HECA: variants seen among roughly 807,000 people sequenced by gnomAD.
HECA encodes the protein headcase protein homolog.
Under a neutral mutation model 37.6 loss-of-function variants are expected in HECA, and 13 were observed. The observed-to-expected ratio is 0.35, with a 90% confidence interval of 0.23 to 0.55. The LOEUF (loss-of-function observed/expected upper bound fraction) is 0.55. Among genes scored for constraint, HECA ranks in the 20% least tolerant of loss-of-function variants. HECA has a pLI of 0.90. For synonymous variants in HECA, 307 were observed against 291.5 expected (o/e 1.05, Z -0.54); for missense variants, 527 against 701.9 (o/e 0.75, Z 2.82).
intron 1 of HECA, among the ~76,000 whole-genome samples, chr6:139,164,558 T>A (rs1472485170): frequency 6.6e-6 from 1 of 152,132 alleles, no homozygotes; most frequent in Non-Finnish European, 1.5e-5. Flanking sequence ...GCCTAGAGGA[T>A]GAGGAGAGAA....
intron 1 of HECA, among the ~76,000 whole-genome samples, chr6:139,157,577 C>G (rs1774735326): frequency 6.6e-6 from 1 of 152,216 alleles, no homozygotes; most frequent in Non-Finnish European, 1.5e-5. Flanking sequence ...CTTATGCATG[C>G]CATACTGCTT....
chr6:139,137,470 C>T (rs1562241461), intron 1 of HECA, among the ~76,000 whole-genome samples: 2 of 152,052 alleles, frequency 1.3e-5, no homozygotes, highest in African/African-American at 2.4e-5. Context: ...TGACAGCTTT[C>T]GTTTATTCAT....
chr6:139,157,192 G>T (rs1036967125), intron 1 of HECA, among the ~76,000 whole-genome samples: 1 of 152,198 alleles, frequency 6.6e-6, no homozygotes, highest in Admixed American at 6.5e-5. Flanking sequence ...CATGGCACTG[G>T]TGGGAGTGGA....
intron 1 of HECA, among the ~76,000 whole-genome samples, chr6:139,163,546 G>A (rs1177113318): frequency 2.0e-5 from 3 of 151,994 alleles, no homozygotes; most frequent in Non-Finnish European, 2.9e-5. Context: ...TAGAGATGGG[G>A]TTTCATCATG....
chr6:139,145,455 G>T (rs1222632476), intron 1 of HECA, among the ~76,000 whole-genome samples: 1 of 152,206 alleles, frequency 6.6e-6, no homozygotes, highest in Non-Finnish European at 1.5e-5. Context: ...GAAAAAGGAA[G>T]ATGAAGTGTT....
At chr6:139,168,744 T>G (rs1774930485) in intron 2 of HECA, among the ~76,000 whole-genome samples, 1 of 152,228 alleles carries the variant, frequency 6.6e-6, no homozygotes, top group Admixed American at 6.5e-5. Context: ...CCCCAGGAGC[T>G]TTTTGAGAAA....
chr6:139,156,051 TTA>T (rs1774708168), intron 1 of HECA, among the ~76,000 whole-genome samples: 1 of 151,930 alleles, frequency 6.6e-6, no homozygotes, highest in Non-Finnish European at 1.5e-5. Context: ...TGTTTATATT[TTA>T]TATGTTTATA....
At chr6:139,158,597 G>A (rs1268924452) in intron 1 of HECA, among the ~76,000 whole-genome samples, 1 of 149,642 alleles carries the variant, frequency 6.7e-6, no homozygotes, top group African/African-American at 2.5e-5. Flanking sequence ...CTTGAGCCTG[G>A]CAGGTTGAAG....
chr6:139,165,381 C>A (rs979201940), intron 1 of HECA, among the ~76,000 whole-genome samples: 1 of 152,140 alleles, frequency 6.6e-6, no homozygotes, highest in African/African-American at 2.4e-5. Flanking sequence ...ACATATGTTA[C>A]AATTGATGAA....
intron 1 of HECA, among the ~76,000 whole-genome samples, chr6:139,145,103 A>G (rs1774566805): frequency 6.6e-6 from 1 of 152,214 alleles, no homozygotes; most frequent in South Asian, 2.1e-4. Context: ...ATTTTTGTCA[A>G]CATCTTACCA....
intron 1 of HECA, among the ~76,000 whole-genome samples, chr6:139,143,072 GT>G (rs1163565551): frequency 2.0e-5 from 3 of 152,208 alleles, no homozygotes; most frequent in Non-Finnish European, 4.4e-5. Context: ...AAGATCTGGA[GT>G]TTTTAAAGCT....
intron 1 of HECA, chr6:139,144,534 C>G (rs932678591): frequency 6.6e-6 from 1 of 152,580 alleles, no homozygotes; most frequent in Non-Finnish European, 1.5e-5. Context: ...TGTCAGGTGC[C>G]GTGGTAGGAC....
chr6:139,164,371 G>C (rs570905859), intron 1 of HECA, among the ~76,000 whole-genome samples: 3 of 152,040 alleles, frequency 2.0e-5, no homozygotes, highest in Non-Finnish European at 4.4e-5. Context: ...ATGAACATTG[G>C]GGGTATCATG....
At chr6:139,141,085 C>T (rs1038122338) in intron 1 of HECA, among the ~76,000 whole-genome samples, 5 of 152,072 alleles carry the variant, frequency 3.3e-5, no homozygotes, top group Admixed American at 1.3e-4. Flanking sequence ...CCAGCGCGCC[C>T]GGCCCTCTTT....
At chr6:139,161,763 G>A (rs573783737) in intron 1 of HECA, among the ~76,000 whole-genome samples, 9 of 152,254 alleles carry the variant, frequency 5.9e-5, no homozygotes, top group South Asian at 4.1e-4. Context: ...TTGGTCTTGG[G>A]TTAGTAAAAT....
At position 139,135,246 on chromosome 6, in the gene HECA, G is replaced by A. The variant is rs1179777995; in HGVS notation, c.-151G>A. 3.6e-6 allele frequency: 2 copies of A among 550,608 alleles called. No individual in the cohort carries two copies. Among genetic ancestry groups the A allele is most frequent in the African/African-American group, 2.1e-5 (1 of 48,496 alleles). The allele number at this position is 550,608 out of a possible 1,614,324, so 34.1% of individuals were successfully genotyped here. A position where few individuals can be genotyped will look rare whatever the true frequency, so the allele number is the denominator to read the frequency against. ...CGCGGCGGCCAGGATGGCGCGGCAC[G>A]GGCCGTGCGGCTAGACGGGAGCCGA... On this transcript the variant is annotated 5_prime_UTR_variant, in exon 1 of 4. Transcript: ENST00000367658.
chr6:139,151,101 T>A (rs1037133881), intron 1 of HECA: 2 of 152,222 alleles, frequency 1.3e-5, no homozygotes, highest in African/African-American at 4.8e-5. Context: ...CTGATGCAGC[T>A]TTTCAGAAAT....
chr6:139,162,523 T>C (rs1421347911), intron 1 of HECA, among the ~76,000 whole-genome samples: 1 of 152,192 alleles, frequency 6.6e-6, no homozygotes, highest in Non-Finnish European at 1.5e-5. Context: ...TTGCAGAGTC[T>C]GAACTGTGAA....
intron 2 of HECA, among the ~76,000 whole-genome samples, chr6:139,168,373 CT>C (rs1774923123): frequency 1.3e-5 from 2 of 149,568 alleles, no homozygotes; most frequent in Non-Finnish European, 3.0e-5. Flanking sequence ...ACCATATAGT[CT>C]AGGACTCCTT....
Sources: allele counts gnomAD v4.1 joint callset (sites outside exome capture counted in the v4.1 genomes callset), GRCh38; gene constraint gnomAD v4.1.1; transcripts MANE v1.5; gene names NCBI Gene and HGNC (gene_info 2026-07-23, HGNC 2026-07-21).